Variants in BTBD9 observed in about 807,000 individuals in gnomAD.
The protein encoded by BTBD9 is BTB domain containing 9, also known as BTB/POZ domain-containing protein 9.
In BTBD9, 49 loss-of-function variants were observed where a neutral mutation model predicts 64.3. The observed-to-expected ratio is 0.76, with a 90% CI of 0.61 to 0.97. The LOEUF (loss-of-function observed/expected upper bound fraction) is 0.97, where lower values mean the gene tolerates loss of function less well. Among genes scored for constraint, BTBD9 ranks in the 50% least tolerant of loss-of-function variants. The pLI is 0.00. For synonymous variants in BTBD9, 260 were observed against 274.7 expected, an observed-to-expected ratio of 0.95 and a Z score of 0.53; for missense variants, 598 against 762.1, an observed-to-expected ratio of 0.78 and a Z score of 2.53.
At chr6:38,504,012 C>T (rs1330223048) in intron 6 of BTBD9, among the ~76,000 whole-genome samples, 2 of 152,180 alleles carry the variant, frequency 1.3e-5, no homozygotes, top group African/African-American at 4.8e-5. Context: ...CTGATCCCGC[C>T]ACAGTCTCAC....
rs542634961 is a variant in BTBD9 at position 38,548,877 on chromosome 6, C to T, written c.1154+28723G>A. Among the ~76,000 whole-genome samples the T allele has an allele frequency of 2.8e-3, 425 of 152,250 alleles. 1 individual carries two copies. The highest frequency in any genetic ancestry group is 9.8e-3 in the African/African-American group (407 of 41,546). The stretch of plus-strand genomic sequence containing the variant: ...CAATAAATCCATAAGGAAATGGATA[C>T]AGCCAGGCAGAAATTATAGAAAAGG... On this transcript the variant is annotated intron_variant, in intron 6 of 10. Transcript: ENST00000481247.
At chr6:38,236,078 T>G (rs765230074) in intron 9 of BTBD9, among the ~76,000 whole-genome samples, 13 of 152,172 alleles carry the variant, frequency 8.5e-5, no homozygotes, top group Non-Finnish European at 1.9e-4. Context: ...CTCTTATTTT[T>G]CAAGAAAACA....
chr6:38,619,677 G>C (rs1777921438), intron 1 of BTBD9, among the ~76,000 whole-genome samples: 1 of 152,128 alleles, frequency 6.6e-6, no homozygotes, highest in African/African-American at 2.4e-5. Context: ...ATCATTGAGG[G>C]CCAGGAAATT....
chr6:38,437,951 A>C (rs1768814533), intron 6 of BTBD9, among the ~76,000 whole-genome samples: 1 of 152,130 alleles, frequency 6.6e-6, no homozygotes, highest in East Asian at 1.9e-4. Context: ...TCAGATTTTA[A>C]GAAATCTTTT....
At chr6:38,447,245 G>A (rs975078398) in intron 6 of BTBD9, among the ~76,000 whole-genome samples, 1 of 152,160 alleles carries the variant, frequency 6.6e-6, no homozygotes, top group Non-Finnish European at 1.5e-5. Flanking sequence ...AAACATGCAT[G>A]GCCCATCCAT....
chr6:38,245,083 C>A (rs1477025199), intron 9 of BTBD9, among the ~76,000 whole-genome samples: 1 of 152,194 alleles, frequency 6.6e-6, no homozygotes, highest in Non-Finnish European at 1.5e-5. Flanking sequence ...TGCTTCTATT[C>A]ATTCAGATCA....
rs145586035 is a variant in BTBD9, at chr6:38,580,990, C to T, written c.815-553G>A. Among the ~76,000 whole-genome samples the T allele has an allele frequency of 2.3e-3, 343 of 152,194 alleles. 6 individuals carry two copies. The East Asian group carries it at 0.036, about 16-fold the overall frequency. ...GGCGGATCACCTGAGGTCAGGAGTT[C>T]GAGATCAGCCTGGGCAACACAGTAA... On this transcript the variant is annotated intron_variant, in intron 4 of 10. Transcript: ENST00000481247.
intron 1 of BTBD9, among the ~76,000 whole-genome samples, chr6:38,625,326 A>G (rs1029815516): frequency 6.6e-6 from 1 of 152,224 alleles, no homozygotes; most frequent in African/African-American, 2.4e-5. Flanking sequence ...AGTACTTCCT[A>G]AATTAATAAA....
chr6:38,488,719 T>A (rs1771566157), intron 6 of BTBD9, among the ~76,000 whole-genome samples: 1 of 152,146 alleles, frequency 6.6e-6, no homozygotes, highest in Admixed American at 6.5e-5. Flanking sequence ...TAAGAAAAAT[T>A]AATGTTTCTT....
intron 6 of BTBD9, among the ~76,000 whole-genome samples, chr6:38,469,224 A>G: frequency 6.6e-6 from 1 of 152,146 alleles, no homozygotes; most frequent in Non-Finnish European, 1.5e-5. Flanking sequence ...CTCAGCTCCA[A>G]ATAAAAGTGT....
intron 1 of BTBD9, among the ~76,000 whole-genome samples, chr6:38,610,334 A>G (rs1777572529): frequency 6.6e-6 from 1 of 152,234 alleles, no homozygotes; most frequent in African/African-American, 2.4e-5. Context: ...TGGTAAATCT[A>G]AAGCAACCCA....
intron 6 of BTBD9, among the ~76,000 whole-genome samples, chr6:38,574,633 T>C (rs1775942694): frequency 6.6e-6 from 1 of 152,234 alleles, no homozygotes; most frequent in African/African-American, 2.4e-5. Context: ...AACTGTGCTC[T>C]GTACATGTAA....
chr6:38,296,500 A>G (rs1277157593), intron 7 of BTBD9, among the ~76,000 whole-genome samples: 1 of 151,620 alleles, frequency 6.6e-6, no homozygotes, highest in African/African-American at 2.4e-5. Flanking sequence ...GATTTATTCT[A>G]TTTTTTTCCT....
chr6:38,528,958 T>C (rs1773647550), intron 6 of BTBD9, among the ~76,000 whole-genome samples: 1 of 152,084 alleles, frequency 6.6e-6, no homozygotes, highest in South Asian at 2.1e-4. Flanking sequence ...TTGGCCACAG[T>C]GGGATAGAGC....
At chr6:38,557,821 T>C (rs1306703913) in intron 6 of BTBD9, among the ~76,000 whole-genome samples, 1 of 152,250 alleles carries the variant, frequency 6.6e-6, no homozygotes, top group Non-Finnish European at 1.5e-5. Flanking sequence ...GTAGCTTCTT[T>C]CTCAGTGACA....
In BTBD9 at chr6:38,398,346, C is replaced by A. The variant is rs549718826; in HGVS notation, c.1155-53253G>T. Among the ~76,000 whole-genome samples, 3 of 152,172 alleles carry A rather than the reference C, an allele frequency of 2.0e-5. No homozygotes were observed. In the South Asian group the frequency reaches 6.2e-4, roughly 32 times the overall value. ...CACAAGTCTCTCTTTCTTCTCTGTC[C>A]CAATCCTCCCCTCATTCACACTCAG... On this transcript the variant is annotated intron_variant, in intron 6 of 10. Coordinates refer to ENST00000481247, the MANE Select transcript of BTBD9 (RefSeq NM_001099272.2).
At chr6:38,562,056 T>C (rs1465839836) in intron 6 of BTBD9, among the ~76,000 whole-genome samples, 1 of 152,230 alleles carries the variant, frequency 6.6e-6, no homozygotes, top group Non-Finnish European at 1.5e-5. Context: ...ACAAATTGTA[T>C]TTTTCTTAAG....
At chr6:38,480,923 T>C (rs1225718267) in intron 6 of BTBD9, among the ~76,000 whole-genome samples, 1 of 152,154 alleles carries the variant, frequency 6.6e-6, no homozygotes, top group African/African-American at 2.4e-5. Flanking sequence ...AAAATCCTCA[T>C]GGGGAAGGAA....
intron 6 of BTBD9, among the ~76,000 whole-genome samples, chr6:38,387,741 T>C (rs1014558228): frequency 6.6e-6 from 1 of 152,144 alleles, no homozygotes; most frequent in African/African-American, 2.4e-5. Context: ...GTTCCATTTA[T>C]GCCCAGAGGA....
Sources: gnomAD v4.1 joint callset for allele counts (sites outside exome capture counted in the v4.1 genomes callset) on GRCh38, gnomAD v4.1.1 for gene constraint, MANE v1.5 for transcripts, NCBI Gene and HGNC (gene_info 2026-07-23, HGNC 2026-07-21) for gene names.